The following ITGB6 variants were observed in gnomAD, a reference collection of about 807,000 sequenced individuals.
ITGB6 encodes the protein integrin subunit beta 6.
Under a neutral mutation model 84.5 loss-of-function variants are expected in ITGB6, and 80 were observed. The observed-to-expected ratio is 0.95, with a 90% CI of 0.79 to 1.14. The LOEUF is 1.14. Among genes scored for constraint, ITGB6 ranks in the 50% most tolerant of loss-of-function variants. ITGB6 has a pLI of 0.00. For synonymous variants in ITGB6, 383 were observed against 354.9 expected (o/e 1.08, Z -0.89); for missense variants, 1,006 against 968.0 (o/e 1.04, Z -0.52).
intron 7 of ITGB6, among the ~76,000 whole-genome samples, chr2:160,160,052 T>A (rs765364502): frequency 5.9e-5 from 9 of 152,226 alleles, no homozygotes; most frequent in Non-Finnish European, 1.2e-4. Context: ...GGATTGGCTA[T>A]GTCCCACGGG....
At chr2:160,176,781 T>A (rs190077553) in intron 4 of ITGB6, among the ~76,000 whole-genome samples, 1 of 152,258 alleles carries the variant, frequency 6.6e-6, no homozygotes, top group Non-Finnish European at 1.5e-5. Context: ...GGCAGGTTCA[T>A]TGAAGAAAAT....
chr2:160,157,755 A>C (rs1446056515), intron 7 of ITGB6, among the ~76,000 whole-genome samples: 76 of 151,696 alleles, frequency 5.0e-4, no homozygotes, highest in African/African-American at 1.6e-3. Context: ...AGGCAAAAAA[A>C]AAAAAAAAAA....
In ITGB6 at chr2:160,195,608, C is replaced by T. The variant is rs766609352; in HGVS notation, c.354G>A (p.Ala118=). The change falls in exon 4 of 15, where the codon GCG becomes GCA. Residue 118 remains alanine (A), a synonymous_variant. Coordinates refer to ENST00000283249, the MANE Select transcript of ITGB6 (RefSeq NM_000888.5). ...GGCGGACATGCACCTGCAGAGTCTGCGCACCACCTGCAAAGCCCAACAGGA... is the reference window on the plus strand; with the variant it reads ...GGCGGACATGCACCTGCAGAGTCTGTGCACCACCTGCAAAGCCCAACAGGA... ...SLILKLRPGG[A]QTLQVHVRQT... 6.8e-6 allele frequency: 11 copies of T among 1,613,884 alleles called. No homozygotes were observed. The highest frequency in any genetic ancestry group is 2.2e-5 in the East Asian group (1 of 44,868).
intron 4 of ITGB6, among the ~76,000 whole-genome samples, chr2:160,187,337 G>T (rs1371295427): frequency 6.6e-6 from 1 of 151,916 alleles, no homozygotes; most frequent in African/African-American, 2.4e-5. Flanking sequence ...GAGATCAATG[G>T]CTTTTCATTT....
chr2:160,142,902 G>C (rs1235784961), intron 7 of ITGB6, among the ~76,000 whole-genome samples: 1 of 152,182 alleles, frequency 6.6e-6, no homozygotes, highest in Admixed American at 6.5e-5. Flanking sequence ...AGTTTTACAA[G>C]GTGTGTGATA....
intron 14 of ITGB6, among the ~76,000 whole-genome samples, chr2:160,106,834 C>A (rs1050572136): frequency 6.6e-6 from 1 of 152,238 alleles, no homozygotes; most frequent in Admixed American, 6.5e-5. Flanking sequence ...ATTATTTGGG[C>A]GGACAAATCC....
At chr2:160,114,813 C>G (rs886718570) in intron 12 of ITGB6, among the ~76,000 whole-genome samples, 1 of 152,236 alleles carries the variant, frequency 6.6e-6, no homozygotes, top group Non-Finnish European at 1.5e-5. Context: ...TAATACTGCT[C>G]TTTTCCAATG....
Position 160,101,776 on chromosome 2 carries a change from T to G in ITGB6, c.2327A>C (p.His776Pro), listed in dbSNP as rs540706226. 6.2e-7 allele frequency: 1 copy of G among 1,602,564 alleles called. No homozygotes were observed. The highest frequency in any genetic ancestry group is 8.5e-7 in the Non-Finnish European group (1 of 1,169,732). Residue 776 changes from histidine (H) to proline (P), a missense_variant, in exon 15 of 15, where the codon CAC (histidine) becomes CCC (proline). His to Pro is a moderately conservative substitution (Grantham distance 77). Transcript: ENST00000283249. ...AAGGTCTACCTTTTGTTTTTCCCTG[T>G]GTTTATAAGTTACATTTTTAAAAGT... ...TSTFKNVTYK[H>P]REKQKVDLST...
intron 7 of ITGB6, among the ~76,000 whole-genome samples, chr2:160,153,401 T>C (rs1327073974): frequency 2.6e-5 from 4 of 151,974 alleles, no homozygotes; most frequent in African/African-American, 7.2e-5. Context: ...AAAGCTGAAA[T>C]TGGATCCCTT....
intron 4 of ITGB6, among the ~76,000 whole-genome samples, chr2:160,179,236 G>A (rs1035248008): frequency 4.6e-5 from 7 of 151,792 alleles, no homozygotes; most frequent in African/African-American, 1.5e-4. Context: ...CCTGAGTGAG[G>A]TTAGAAATGA....
chr2:160,172,769 A>G, intron 5 of ITGB6, 39 bp from the exon 6 acceptor site: 1 of 1,534,082 alleles, frequency 6.5e-7, no homozygotes, highest in South Asian at 1.1e-5. Flanking sequence ...TATTGGAGGG[A>G]GGCAGGCATT....
chr2:160,106,212 A>C (rs771586351), intron 14 of ITGB6, among the ~76,000 whole-genome samples: 4 of 152,182 alleles, frequency 2.6e-5, no homozygotes, highest in Non-Finnish European at 4.4e-5. Context: ...AGCATGTATT[A>C]ATCTTTTTTC....
intron 4 of ITGB6, among the ~76,000 whole-genome samples, chr2:160,182,672 A>G (rs138898379): frequency 7.2e-4 from 110 of 152,260 alleles, no homozygotes; most frequent in African/African-American, 2.5e-3. Context: ...AAGAAGAGCA[A>G]CTCCAAGACA....
rs144575320 is a variant in ITGB6 at position 160,131,913 on chromosome 2, A to G, written c.1661-5312T>C. Among the ~76,000 whole-genome samples the G allele has an allele frequency of 3.3e-5, 5 of 152,296 alleles. No individual in the cohort carries two copies. The East Asian group carries it at 9.7e-4, about 29-fold the overall frequency. On this transcript the variant is annotated intron_variant, in intron 10 of 14. Transcript: ENST00000283249. ...ATGGTAAAAAATAAAGCGAAAGACCATCAAGCAAAGCTCTGTTGCTAAACA... is the reference window on the plus strand; with the variant it reads ...ATGGTAAAAAATAAAGCGAAAGACCGTCAAGCAAAGCTCTGTTGCTAAACA...
chr2:160,110,736 G>A (rs749394739), intron 13 of ITGB6, among the ~76,000 whole-genome samples: 1 of 152,148 alleles, frequency 6.6e-6, no homozygotes, highest in Non-Finnish European at 1.5e-5. Flanking sequence ...TTCTCAGTTT[G>A]CCTCTTCTAC....
chr2:160,157,500 T>C (rs944657950), intron 7 of ITGB6, among the ~76,000 whole-genome samples: 3 of 152,128 alleles, frequency 2.0e-5, no homozygotes, highest in African/African-American at 7.2e-5. Context: ...CTAGTGCAAA[T>C]GCCAGCAGCA....
intron 12 of ITGB6, among the ~76,000 whole-genome samples, chr2:160,118,401 C>T (rs1242059017): frequency 1.3e-5 from 2 of 152,142 alleles, no homozygotes; most frequent in African/African-American, 4.8e-5. Context: ...TAAACGGAAC[C>T]AAAGACAAAA....
intron 14 of ITGB6, 137 bp from the exon 15 acceptor site, chr2:160,101,971 T>G (rs1042640210): frequency 1.6e-6 from 1 of 610,732 alleles, no homozygotes. Flanking sequence ...AATTTGGCAT[T>G]TCATATGTTT....
intron 7 of ITGB6, among the ~76,000 whole-genome samples, chr2:160,153,077 G>GA (rs1404825097): frequency 6.6e-6 from 1 of 152,192 alleles, no homozygotes; most frequent in East Asian, 1.9e-4. Context: ...CACAGAATTG[G>GA]AAAAAACTAC....
Sources: allele counts gnomAD v4.1 joint callset (sites outside exome capture counted in the v4.1 genomes callset), GRCh38; gene constraint gnomAD v4.1.1; transcripts MANE v1.5; gene names NCBI Gene and HGNC (gene_info 2026-07-23, HGNC 2026-07-21).